LPAR3: variants seen among roughly 807,000 people sequenced by gnomAD.
LPAR3 encodes LPA receptor 3.
Under a neutral mutation model 17.8 loss-of-function variants are expected in LPAR3, and 7 were observed. That is an observed-to-expected ratio of 0.39 (90% CI 0.22 to 0.74). The LOEUF (loss-of-function observed/expected upper bound fraction) is 0.74. Ranked by LOEUF, LPAR3 falls within the 30% of genes least tolerant of loss-of-function variation. LPAR3 has a pLI of 0.40. For synonymous variants in LPAR3, 179 were observed against 179.9 expected, an observed-to-expected ratio of 0.99 and a Z score of 0.04; for missense variants, 391 against 453.4, an observed-to-expected ratio of 0.86 and a Z score of 1.25.
intron 2 of LPAR3, among the ~76,000 whole-genome samples, chr1:84,821,104 G>A (rs1659043830): frequency 6.8e-6 from 1 of 146,150 alleles, no homozygotes; most frequent in Non-Finnish European, 1.5e-5. Context: ...TTTTTTTAAA[G>A]TTTGAAATCC....
At chr1:84,882,475 A>T (rs1157883452) in intron 1 of LPAR3, among the ~76,000 whole-genome samples, 1 of 152,236 alleles carries the variant, frequency 6.6e-6, no homozygotes, top group Non-Finnish European at 1.5e-5. Context: ...TTTTACAGAA[A>T]TATTAAAAAA....
Position 84,865,615 on chromosome 1 carries a change from C to G in LPAR3, c.506G>C (p.Cys169Ser), listed in dbSNP as rs774649970. The change falls in exon 2 of 3, where the codon TGC (cysteine) becomes TCC (serine). Residue 169 changes from cysteine to serine, a missense_variant. By Grantham distance (112) the Cys-to-Ser change is moderately radical. Coordinates refer to ENST00000370611, the MANE Select transcript of LPAR3 (RefSeq NM_012152.3). Reference sequence around the variant, plus strand: ...AGAGCAGGCAGAGATGTTGCAGAGGCAATTCCAGCCCAGTGTGGGGACCGC... The same window carrying G: ...AGAGCAGGCAGAGATGTTGCAGAGGGAATTCCAGCCCAGTGTGGGGACCGC... ...MGAVPTLGWN[C>S]LCNISACSSL... The G allele has an allele frequency of 6.2e-7, 1 of 1,614,088 alleles. No homozygotes were observed. Among genetic ancestry groups the G allele is most frequent in the African/African-American group, 1.3e-5 (1 of 74,918 alleles).
intron 2 of LPAR3, among the ~76,000 whole-genome samples, chr1:84,863,652 T>C (rs959145902): frequency 3.3e-5 from 5 of 152,132 alleles, no homozygotes; most frequent in African/African-American, 7.2e-5. Flanking sequence ...AAAATACCAG[T>C]TTCCCCCCAG....
At chr1:84,842,229 T>G (rs1437865209) in intron 2 of LPAR3, among the ~76,000 whole-genome samples, 1 of 152,200 alleles carries the variant, frequency 6.6e-6, no homozygotes, top group Non-Finnish European at 1.5e-5. Context: ...ATCAGAAGTA[T>G]AGTTAATACA....
Position 84,852,521 on chromosome 1 carries a change from G to C in LPAR3, c.736+12864C>G, listed in dbSNP as rs573546589. 4.9e-3 allele frequency among the ~76,000 whole-genome samples: 743 copies of C among 152,212 alleles called. 6 individuals are homozygous for C. Among genetic ancestry groups the C allele is most frequent in the African/African-American group, 0.017 (703 of 41,508 alleles). On this transcript the variant is annotated intron_variant, in intron 2 of 2. Coordinates refer to ENST00000370611, the MANE Select transcript of LPAR3 (RefSeq NM_012152.3). ...ATTTAACAGGTAGAGCAGGTCTGCA[G>C]GGCAGCTGAAGCTTGTGGTGCCTCC...
intron 2 of LPAR3, among the ~76,000 whole-genome samples, chr1:84,816,819 AT>A (rs1165531071): frequency 2.0e-5 from 3 of 152,310 alleles, no homozygotes; most frequent in Admixed American, 6.5e-5. Flanking sequence ...AAGCAAAAAA[AT>A]ATATAAATAT....
In LPAR3 at chr1:84,879,373, G is replaced by A. The variant is rs60221143; in HGVS notation, c.-18-13235C>T. 8.7e-3 allele frequency among the ~76,000 whole-genome samples: 1,245 copies of A among 143,698 alleles called. 14 individuals are homozygous for A. Among genetic ancestry groups the A allele is most frequent in the African/African-American group, 0.032 (1,197 of 37,224 alleles). The allele number at this position is 143,698 out of a possible 152,430, so 94.3% of individuals were successfully genotyped here. A position where few individuals can be genotyped will look rare whatever the true frequency, so the allele number is the denominator to read the frequency against. On this transcript the variant is annotated intron_variant, in intron 1 of 2. Coordinates refer to ENST00000370611, the MANE Select transcript of LPAR3 (RefSeq NM_012152.3). ...GTCGCCCAGGCTGGAGGACAGTGGC[G>A]CGATCTAGGCTCACTGCAAGCTCTG...
chr1:84,837,664 G>C (rs1659432120), intron 2 of LPAR3, among the ~76,000 whole-genome samples: 1 of 152,190 alleles, frequency 6.6e-6, no homozygotes. Flanking sequence ...ACACTGAAAA[G>C]AAAGTCTGAA....
chr1:84,852,512 A>G (rs1026092462), intron 2 of LPAR3, among the ~76,000 whole-genome samples: 1 of 152,178 alleles, frequency 6.6e-6, no homozygotes, highest in Non-Finnish European at 1.5e-5. Flanking sequence ...CAGGTAGAGC[A>G]GGTCTGCAGG....
intron 2 of LPAR3, among the ~76,000 whole-genome samples, chr1:84,858,612 G>A (rs752270063): frequency 1.2e-4 from 19 of 152,122 alleles, no homozygotes; most frequent in Admixed American, 4.6e-4. Context: ...CCTGGGTTCT[G>A]CTTTTAGCTC....
At chr1:84,875,143 G>A (rs1025921250) in intron 1 of LPAR3, among the ~76,000 whole-genome samples, 6 of 152,082 alleles carry the variant, frequency 3.9e-5, no homozygotes, top group East Asian at 1.9e-4. Context: ...CAGATGATCC[G>A]CCTGTGTTGG....
At chr1:84,818,610 T>A (rs1658987071) in intron 2 of LPAR3, among the ~76,000 whole-genome samples, 1 of 151,918 alleles carries the variant, frequency 6.6e-6, no homozygotes, top group African/African-American at 2.4e-5. Flanking sequence ...ATAAAAAAAA[T>A]AAGAATACCT....
At chr1:84,844,911 G>A (rs564992368) in intron 2 of LPAR3, among the ~76,000 whole-genome samples, 1 of 152,224 alleles carries the variant, frequency 6.6e-6, no homozygotes, top group African/African-American at 2.4e-5. Flanking sequence ...AGAACTAAGG[G>A]GGACTTCCAC....
At chr1:84,870,864 A>T (rs1235192601) in intron 1 of LPAR3, among the ~76,000 whole-genome samples, 1 of 152,218 alleles carries the variant, frequency 6.6e-6, no homozygotes, top group African/African-American at 2.4e-5. Flanking sequence ...GACAGAACCA[A>T]GGACTATATT....
intron 1 of LPAR3, among the ~76,000 whole-genome samples, chr1:84,884,179 G>A (rs1044814346): frequency 2.6e-5 from 4 of 152,264 alleles, no homozygotes; most frequent in African/African-American, 9.6e-5. Context: ...TTAGCAAATC[G>A]GGTATCAGTT....
intron 2 of LPAR3, among the ~76,000 whole-genome samples, chr1:84,842,293 C>T (rs936411026): frequency 6.6e-6 from 1 of 152,198 alleles, no homozygotes; most frequent in Non-Finnish European, 1.5e-5. Context: ...CACACAGTTC[C>T]TTCCAGATAA....
In LPAR3 at chr1:84,811,786, A is replaced by G. The variant is rs1658817637; in HGVS notation, c.*2060T>C. Reference sequence around the variant, plus strand: ...CAAGTAGTTCTTGCACATAAATGTTATATCACAATAGCAAAAAAATGTAAA... The same window carrying G: ...CAAGTAGTTCTTGCACATAAATGTTGTATCACAATAGCAAAAAAATGTAAA... On this transcript the variant is annotated 3_prime_UTR_variant, in exon 3 of 3. Transcript: ENST00000370611. 1 of 152,214 alleles carries G rather than the reference A, an allele frequency of 6.6e-6. No homozygotes were observed. Among genetic ancestry groups the G allele is most frequent in the African/African-American group, 2.4e-5 (1 of 41,458 alleles). 9.4% of individuals were successfully genotyped at this position (152,214 alleles called of 1,614,324 possible).
At chr1:84,846,914 G>A (rs1043003755) in intron 2 of LPAR3, among the ~76,000 whole-genome samples, 3 of 152,150 alleles carry the variant, frequency 2.0e-5, no homozygotes, top group African/African-American at 7.2e-5. Flanking sequence ...TGTGCTATCT[G>A]GAAATTTTGG....
In LPAR3 at chr1:84,865,302, T is replaced by G. The variant is rs1175046886; in HGVS notation, c.736+83A>C. ...TCACTGCTGCATTCTTACTGCCTAG[T>G]AAGTGCCTGGTACACCACAGATGCT... On this transcript the variant is annotated intron_variant, in intron 2 of 2. Coordinates refer to ENST00000370611, the MANE Select transcript of LPAR3 (RefSeq NM_012152.3). The G allele has an allele frequency of 5.6e-6, 8 of 1,430,906 alleles. No homozygotes were observed. The East Asian group carries it at 1.5e-4, about 26-fold the overall frequency. The allele number at this position is 1,430,906 out of a possible 1,614,324, so 88.6% of individuals were successfully genotyped here.
Sources: allele counts gnomAD v4.1 joint callset (sites outside exome capture counted in the v4.1 genomes callset), GRCh38; gene constraint gnomAD v4.1.1; transcripts MANE v1.5; gene names NCBI Gene and HGNC (gene_info 2026-07-23, HGNC 2026-07-21).